BORCS7: variants seen among roughly 807,000 people sequenced by gnomAD.
BORCS7 encodes the protein BLOC-1-related complex subunit 7.
In BORCS7, 20 loss-of-function variants were observed where a neutral mutation model predicts 17.5. The observed-to-expected ratio is 1.14, with a 90% CI of 0.80 to 1.66. The LOEUF (loss-of-function observed/expected upper bound fraction) is 1.66. Among genes scored for constraint, BORCS7 ranks in the 40% most tolerant of loss-of-function variants. The pLI is 0.00. For synonymous variants in BORCS7, 57 were observed against 49.8 expected (o/e 1.14, Z -0.61); for missense variants, 122 against 129.7 (o/e 0.94, Z 0.29).
At chr10:102,862,754 C>T in intron 4 of BORCS7, 119 bp from the exon 5 acceptor site, 1 of 811,560 alleles carries the variant, frequency 1.2e-6, no homozygotes. Context: ...TTGAGATTGC[C>T]TTGTGCAGCA....
Position 102,863,030 on chromosome 10 carries a change from TAAGTTAGAA to T in BORCS7, c.*112_*120del, listed in dbSNP as rs1423522690. 2.6e-6 allele frequency: 3 copies of T among 1,136,124 alleles called. No individual in the cohort carries two copies. The African/African-American group carries it at 4.6e-5, about 18-fold the overall frequency. The allele number at this position is 1,136,124 out of a possible 1,614,324, so 70.4% of individuals were successfully genotyped here. A position where few individuals can be genotyped will look rare whatever the true frequency, so the allele number is the denominator to read the frequency against. ...GTTTTCTATTTTCTTCTCCAAAAGT[TAAGTTAGAA>T]AAGTTCTGTGTTAGGGCCGGGCGCG... On this transcript the variant is annotated 3_prime_UTR_variant, in exon 5 of 5. Transcript: ENST00000339834.
chr10:102,862,234 G>C, intron 4 of BORCS7, 54 bp downstream of exon 4: 1 of 1,530,364 alleles, frequency 6.5e-7, no homozygotes. Context: ...AGGCTGGGGG[G>C]ATTTATACTG....
chr10:102,859,517 T>C (rs1270964907), intron 1 of BORCS7, among the ~76,000 whole-genome samples: 3 of 149,224 alleles, frequency 2.0e-5, no homozygotes, highest in Admixed American at 1.3e-4. Flanking sequence ...CCTGAGCTTC[T>C]CCTCATGGCT....
At chr10:102,860,756 AC>A in intron 3 of BORCS7, 1 of 610,162 alleles carries the variant, frequency 1.6e-6, no homozygotes, top group Non-Finnish European at 2.9e-6. Context: ...CCCTTTATGA[AC>A]CTCCCCATGT....
At chr10:102,860,306 A>G (rs759389843) in intron 1 of BORCS7, 26 bp from the exon 2 acceptor site, 13 of 1,607,916 alleles carry the variant, frequency 8.1e-6, no homozygotes, top group African/African-American at 1.3e-5. Flanking sequence ...AATTTTGATT[A>G]TTACCATTTT....
At chr10:102,856,353 C>T (rs933955152) in intron 1 of BORCS7, among the ~76,000 whole-genome samples, 4 of 151,034 alleles carry the variant, frequency 2.6e-5, no homozygotes, top group African/African-American at 9.8e-5. Context: ...GGTTCGAGAC[C>T]AGCCTGGGCC....
chr10:102,860,247 G>A, intron 1 of BORCS7, 85 bp from the exon 2 acceptor site: 1 of 1,108,436 alleles, frequency 9.0e-7, no homozygotes, highest in Admixed American at 2.0e-5. Context: ...GGAGAGGAGA[G>A]AGGGTAGTAG....
intron 3 of BORCS7, 134 bp downstream of exon 3, chr10:102,860,675 T>G (rs774716120): frequency 6.4e-5 from 57 of 885,962 alleles, no homozygotes; most frequent in Admixed American, 1.9e-4. Context: ...AGGATGACTT[T>G]CTCGATGGCA....
At chr10:102,859,420 T>C (rs1844480645) in intron 1 of BORCS7, among the ~76,000 whole-genome samples, 1 of 151,846 alleles carries the variant, frequency 6.6e-6, no homozygotes, top group Non-Finnish European at 1.5e-5. Flanking sequence ...ATTACAGGTG[T>C]GAGCCACCGC....
chr10:102,860,396 T>A lies in BORCS7; in HGVS notation c.204+2T>A, dbSNP rs374167488. The A allele has an allele frequency of 1.5e-5, 24 of 1,613,840 alleles. No homozygotes were observed. The highest frequency in any genetic ancestry group is 2.0e-5 in the Non-Finnish European group (24 of 1,179,838). ...GATGCCATCTTGCACTCAGAAGATG[T>A]AAGAAACAACTTTTTTTTTTAATGA... is the stretch of plus-strand genomic sequence containing the variant. On this transcript the variant is annotated splice_donor_variant, in intron 2 of 4. Coordinates refer to ENST00000339834, the MANE Select transcript of BORCS7 (RefSeq NM_001136200.2). LOFTEE classifies it high-confidence loss of function.
intron 1 of BORCS7, among the ~76,000 whole-genome samples, chr10:102,858,190 TAGAGAG>T (rs531916354): frequency 7.4e-6 from 1 of 135,016 alleles, no homozygotes; most frequent in African/African-American, 2.7e-5. Context: ...TATATATATA[TAGAGAG>T]AGAGAGCGAG....
chr10:102,859,089 C>G (rs190199484), intron 1 of BORCS7, among the ~76,000 whole-genome samples: 1 of 151,944 alleles, frequency 6.6e-6, no homozygotes, highest in Non-Finnish European at 1.5e-5. Flanking sequence ...ACTCAGGACC[C>G]ATTAAACTCA....
At chr10:102,861,827 G>A (rs903254721) in intron 3 of BORCS7, among the ~76,000 whole-genome samples, 9 of 152,280 alleles carry the variant, frequency 5.9e-5, no homozygotes, top group African/African-American at 2.2e-4. Context: ...ATAATCATTA[G>A]TCATTCTTTG....
intron 1 of BORCS7, among the ~76,000 whole-genome samples, chr10:102,858,511 G>A (rs1250557008): frequency 6.6e-6 from 1 of 151,880 alleles, no homozygotes; most frequent in African/African-American, 2.4e-5. Context: ...TTAGGTGAGC[G>A]TGGTGGCATG....
intron 1 of BORCS7, among the ~76,000 whole-genome samples, chr10:102,859,342 G>A (rs1260740880): frequency 1.3e-5 from 2 of 151,822 alleles, no homozygotes; most frequent in Non-Finnish European, 2.9e-5. Flanking sequence ...GTTTTGCCAT[G>A]TTGGCCAGGC....
At chr10:102,857,400 C>T (rs1214187388) in intron 1 of BORCS7, among the ~76,000 whole-genome samples, 2 of 152,154 alleles carry the variant, frequency 1.3e-5, no homozygotes, top group African/African-American at 4.8e-5. Context: ...AAGTCACCAT[C>T]TCCCATCTAT....
chr10:102,857,104 T>G (rs1020161579), intron 1 of BORCS7, among the ~76,000 whole-genome samples: 15 of 152,148 alleles, frequency 9.9e-5, no homozygotes, highest in Non-Finnish European at 4.4e-5. Flanking sequence ...AGTCTCAGAT[T>G]AGAAGTCACT....
At chr10:102,856,846 C>A (rs1373022843) in intron 1 of BORCS7, among the ~76,000 whole-genome samples, 1 of 152,164 alleles carries the variant, frequency 6.6e-6, no homozygotes, top group Non-Finnish European at 1.5e-5. Context: ...TCAAGGCAAC[C>A]ACAACTCCCA....
In BORCS7 at chr10:102,854,376, T is replaced by G; in HGVS notation, c.90T>G (p.Thr30=). ...CGGAGAAGGTGACCACCTGTGGTAC[T>G]GACGTAATCGCGCTCACCAAGCAGG... ...LLTEKVTTCG[T]DVIALTKQVL... is the part of the protein sequence containing the mutation. Residue 30 remains threonine (T), a synonymous_variant, in exon 1 of 5, where the codon ACT becomes ACG. Transcript: ENST00000339834. The G allele has an allele frequency of 6.4e-7, 1 of 1,568,680 alleles. No homozygotes were observed. The highest frequency in any genetic ancestry group is 8.7e-7 in the Non-Finnish European group (1 of 1,155,442).
Sources: gnomAD v4.1 joint callset for allele counts (sites outside exome capture counted in the v4.1 genomes callset) on GRCh38, gnomAD v4.1.1 for gene constraint, MANE v1.5 for transcripts, NCBI Gene and HGNC (gene_info 2026-07-23, HGNC 2026-07-21) for gene names.